ERICH6: variants seen among roughly 807,000 people sequenced by gnomAD.
ERICH6 encodes the protein glutamate rich 6.
A neutral mutation model predicts 71.0 loss-of-function variants in ERICH6; 71 were observed. The ratio of observed to expected loss-of-function variants is 1.00; its 90% CI spans 0.83 to 1.22. The LOEUF (loss-of-function observed/expected upper bound fraction) is 1.22. ERICH6 is among the 50% of genes most tolerant of loss of function. The probability of loss-of-function intolerance (pLI) is 0.00; values close to 1 mark genes in which losing one functional copy is unlikely to be tolerated. For synonymous variants in ERICH6, 262 were observed against 278.4 expected (o/e 0.94, Z 0.59); for missense variants, 808 against 797.2 (o/e 1.01, Z -0.16).
chr3:150,683,745 G>A (rs1559916639), intron 6 of ERICH6, among the ~76,000 whole-genome samples: 1 of 152,154 alleles, frequency 6.6e-6, no homozygotes, highest in Non-Finnish European at 1.5e-5. Context: ...TTGGGTGACA[G>A]AGTGAGACTC....
At chr3:150,699,887 T>C (rs1712799344) in intron 2 of ERICH6, among the ~76,000 whole-genome samples, 1 of 151,664 alleles carries the variant, frequency 6.6e-6, no homozygotes, top group African/African-American at 2.4e-5. Flanking sequence ...CTGAAGATAC[T>C]GAAAATACAA....
chr3:150,690,590 G>C (rs1712397042), intron 3 of ERICH6, among the ~76,000 whole-genome samples: 1 of 152,012 alleles, frequency 6.6e-6, no homozygotes, highest in African/African-American at 2.4e-5. Flanking sequence ...AAAAAGAAAA[G>C]ACCAGTCAAG....
intron 11 of ERICH6, among the ~76,000 whole-genome samples, chr3:150,670,048 C>G (rs1711497742): frequency 6.6e-6 from 1 of 151,976 alleles, no homozygotes; most frequent in Non-Finnish European, 1.5e-5. Context: ...TTTTTTTCAT[C>G]TTCAGAATTT....
rs200274951 is a variant in ERICH6 at position 150,703,558 on chromosome 3, T to C, written c.341A>G (p.Gln114Arg). The C allele has an allele frequency of 8.1e-5, 131 of 1,613,166 alleles. No homozygotes were observed. Among genetic ancestry groups the C allele is most frequent in the Non-Finnish European group, 8.8e-5 (104 of 1,179,692 alleles). ...CGGCGTTTCAGTGCTGGTCGCGCTC[T>C]GGCTGGGCACGAACGTAGAGGTCAG... ...PSLTSTFVPSQSATSTETPSA... is the reference protein window; with the variant it reads ...PSLTSTFVPSRSATSTETPSA... Residue 114 changes from glutamine to arginine, a missense_variant, in exon 1 of 14, where the codon CAG (glutamine) becomes CGG (arginine). Transcript: ENST00000295910.
At chr3:150,666,185 A>C (rs1283970956) in intron 13 of ERICH6, among the ~76,000 whole-genome samples, 1 of 152,208 alleles carries the variant, frequency 6.6e-6, no homozygotes, top group Non-Finnish European at 1.5e-5. Context: ...GGTCACTGAG[A>C]GTGTACTCAG....
At chr3:150,674,162 T>TGGCC (rs1711564140) in intron 10 of ERICH6, 121 bp from the exon 11 acceptor site, 2 of 746,420 alleles carry the variant, frequency 2.7e-6, no homozygotes, top group Non-Finnish European at 2.2e-6. Context: ...ATTTAAATGT[T>TGGCC]GGCCCTGCTT....
intron 8 of ERICH6, 25 bp from the exon 9 acceptor site, chr3:150,680,563 A>G (rs768467802): frequency 1.9e-6 from 3 of 1,613,412 alleles, no homozygotes; most frequent in Non-Finnish European, 2.5e-6. Context: ...AACATCAGGC[A>G]TAAATCTGAA....
chr3:150,701,252 G>C (rs1712859414), intron 2 of ERICH6, among the ~76,000 whole-genome samples: 1 of 152,030 alleles, frequency 6.6e-6, no homozygotes, highest in African/African-American at 2.4e-5. Context: ...AAGAAGTAGA[G>C]GTTTAAATAC....
intron 6 of ERICH6, among the ~76,000 whole-genome samples, chr3:150,684,745 A>G (rs1050844125): frequency 6.6e-5 from 10 of 152,204 alleles, no homozygotes; most frequent in Admixed American, 2.6e-4. Flanking sequence ...GACCAAATAT[A>G]GCAAATATTC....
chr3:150,689,494 A>C (rs1473180073), intron 3 of ERICH6, among the ~76,000 whole-genome samples: 3 of 152,196 alleles, frequency 2.0e-5, no homozygotes, highest in African/African-American at 7.2e-5. Context: ...TTTCTAGCTG[A>C]AATATGCTAA....
At position 150,685,868 on chromosome 3, in the gene ERICH6, A is replaced by G. The variant is rs1374806665; in HGVS notation, c.667-10T>C. On this transcript the variant is annotated splice_polypyrimidine_tract_variant and intron_variant, in intron 5 of 13. Transcript: ENST00000295910. ...TGAAGTCTTCCTTAAACTAAATTTA[A>G]AAAGAGAAAGGGGTGGTGAGGGGAA... 1 of 1,613,022 alleles carries G rather than the reference A, an allele frequency of 6.2e-7. No individual in the cohort carries two copies. The highest frequency in any genetic ancestry group is 1.1e-5 in the South Asian group (1 of 90,768).
Position 150,703,888 on chromosome 3 carries a change from A to T in ERICH6, c.11T>A (p.Leu4Ter), listed in dbSNP as rs1161841159. MAH[L>*]RSPSGFGDPG... ...GTCTCCGAAGCCGCTAGGCGAGCGC[A>T]AGTGGGCCATGGCTGGCGGGAGGCG... The change falls in exon 1 of 14, where the codon TTG (leucine) becomes TAG (stop). Residue 4 changes from leucine (L) to a stop codon, truncating the protein, a stop_gained. Transcript: ENST00000295910. LOFTEE classifies it high-confidence loss of function. The T allele has an allele frequency of 6.2e-7, 1 of 1,613,624 alleles. No individual in the cohort carries two copies. Among genetic ancestry groups the T allele is most frequent in the Non-Finnish European group, 8.5e-7 (1 of 1,179,892 alleles).
intron 3 of ERICH6, among the ~76,000 whole-genome samples, chr3:150,686,831 T>C (rs931629312): frequency 1.3e-5 from 2 of 152,240 alleles, no homozygotes; most frequent in African/African-American, 4.8e-5. Context: ...CTCTTTGGCA[T>C]ATCCAAATTG....
rs563397335 is a variant in ERICH6 at position 150,663,668 on chromosome 3, G to A, written c.1728+3119C>T. ...TTAAAAAACGACTTTCATAGAGATC[G>A]GGTCTCACTATGTTGCCCAAGCTGG... is the stretch of plus-strand genomic sequence containing the variant. On this transcript the variant is annotated intron_variant, in intron 13 of 13. Transcript: ENST00000295910. Among the ~76,000 whole-genome samples the A allele has an allele frequency of 5.3e-5, 8 of 152,176 alleles. No individual in the cohort carries two copies. The South Asian group carries it at 1.5e-3, about 28-fold the overall frequency.
intron 11 of ERICH6, 81 bp downstream of exon 11, chr3:150,673,875 C>A: frequency 7.2e-7 from 1 of 1,383,218 alleles, no homozygotes; most frequent in South Asian, 1.2e-5. Flanking sequence ...GCCACTGCAC[C>A]CAACCATGTA....
rs751394783 is a variant in ERICH6, at chr3:150,680,511, ATGTC to A, written c.1064_1067del (p.Arg355IlefsTer4). The A allele has an allele frequency of 1.4e-5, 23 of 1,614,092 alleles. No homozygotes were observed. Among genetic ancestry groups the A allele is most frequent in the Non-Finnish European group, 1.7e-5 (20 of 1,180,048 alleles). ...TCTGTTCCCTTGATATTATTGCAAA[ATGTC>A]TGGCCATTCGTTGCTCCTGTTTCCT... On this transcript the variant is annotated frameshift_variant, in exon 9 of 14. Coordinates refer to ENST00000295910, the MANE Select transcript of ERICH6 (RefSeq NM_152394.5). LOFTEE classifies it high-confidence loss of function.
In ERICH6 at chr3:150,703,818, C is replaced by T; in HGVS notation, c.81G>A (p.Glu27=). Residue 27 remains glutamate (E), a synonymous_variant, in exon 1 of 14, where the codon GAG becomes GAA. Coordinates refer to ENST00000295910, the MANE Select transcript of ERICH6 (RefSeq NM_152394.5). ...CCTCCACCTCTTCCTCCTCCTCCTC[C>T]TCCTCTAACTCCTCCTCTGACTCCT... is the stretch of plus-strand genomic sequence containing the variant. ...DQKESEEELE[E]EEEEEEVEEE... 6.2e-7 allele frequency: 1 copy of T among 1,613,732 alleles called. No individual in the cohort carries two copies.
At position 150,698,875 on chromosome 3, in the gene ERICH6, G is replaced by T. The variant is rs763115627; in HGVS notation, c.469C>A (p.His157Asn). The T allele has an allele frequency of 6.8e-6, 11 of 1,613,146 alleles. No homozygotes were observed. The highest frequency in any genetic ancestry group is 1.3e-5 in the African/African-American group (1 of 74,892). ...GGAATTCCTGGAGACAAATTGCGAT[G>T]AATATTTCTGAAATTTCGACAAAAA... ...MSEMSIDRNI[H>N]RNLSPGIPVS... Residue 157 changes from histidine to asparagine, a missense_variant, in exon 3 of 14, where the codon CAT becomes AAT. His to Asn is a moderately conservative substitution (Grantham distance 68). This residue lies in a region of ERICH6 where 736 missense variants were observed against 712.2 expected (regional missense o/e 1.03). Transcript: ENST00000295910.
chr3:150,695,600 G>C (rs1025589101), intron 3 of ERICH6, among the ~76,000 whole-genome samples: 1 of 152,026 alleles, frequency 6.6e-6, no homozygotes, highest in Non-Finnish European at 1.5e-5. Flanking sequence ...CCTGGGAGGC[G>C]GAGGTTACAG....
Sources: allele counts gnomAD v4.1 joint callset (sites outside exome capture counted in the v4.1 genomes callset), GRCh38; gene constraint gnomAD v4.1.1; regional missense constraint gnomAD v4.1.1; transcripts MANE v1.5; gene names NCBI Gene and HGNC (gene_info 2026-07-23, HGNC 2026-07-21).